EPB41L4A: variants seen among roughly 807,000 people sequenced by gnomAD.
EPB41L4A encodes erythrocyte membrane protein band 4.1 like 4A, also known as band 4.1-like protein 4A.
EPB41L4A carries 100 observed loss-of-function variants against 108.6 expected under a neutral mutation model. That is an observed-to-expected ratio of 0.92 (90% confidence interval 0.78 to 1.09). The LOEUF (loss-of-function observed/expected upper bound fraction) is 1.09, where lower values mean the gene tolerates loss of function less well. EPB41L4A is among the 50% of genes least tolerant of loss of function. The pLI, the probability that EPB41L4A is intolerant of heterozygous loss-of-function variation, is 0.00. For missense variants in EPB41L4A, 1,030 were observed against 842.7 expected, an observed-to-expected ratio of 1.22 and a Z score of -2.75; for synonymous variants, 319 against 289.0, an observed-to-expected ratio of 1.10 and a Z score of -1.05.
chr5:112,300,509 GA>G (rs1157525537), intron 2 of EPB41L4A, among the ~76,000 whole-genome samples: 1 of 152,186 alleles, frequency 6.6e-6, no homozygotes, highest in Non-Finnish European at 1.5e-5. Context: ...TTTCTGCTGA[GA>G]AATCTGCTGT....
chr5:112,283,193 T>C (rs1753072599), intron 2 of EPB41L4A, among the ~76,000 whole-genome samples: 1 of 152,222 alleles, frequency 6.6e-6, no homozygotes, highest in Non-Finnish European at 1.5e-5. Context: ...AGTCAAAGGC[T>C]ATTCAATCAA....
At chr5:112,265,539 C>T (rs1271576679) in intron 5 of EPB41L4A, among the ~76,000 whole-genome samples, 1 of 152,228 alleles carries the variant, frequency 6.6e-6, no homozygotes, top group South Asian at 2.1e-4. Context: ...TATACAAATG[C>T]TTCTTCCTAT....
intron 12 of EPB41L4A, among the ~76,000 whole-genome samples, chr5:112,215,748 G>A (rs1432630967): frequency 4.9e-5 from 6 of 123,058 alleles, no homozygotes; most frequent in African/African-American, 1.8e-4. Context: ...GGGCGACAGA[G>A]TGAGACTCCA....
chr5:112,363,628 T>C (rs1758926148), intron 1 of EPB41L4A: 2 of 152,380 alleles, frequency 1.3e-5, no homozygotes, highest in African/African-American at 4.8e-5. Context: ...CCACCATCAA[T>C]GTGAGATCCT....
intron 12 of EPB41L4A, among the ~76,000 whole-genome samples, 183 bp downstream of exon 12, chr5:112,234,451 T>C (rs1749184865): frequency 6.6e-6 from 1 of 152,086 alleles, no homozygotes; most frequent in Non-Finnish European, 1.5e-5. Flanking sequence ...TATGTCTTCT[T>C]AAAATTACTG....
At chr5:112,365,507 G>C (rs1160361241) in intron 1 of EPB41L4A, among the ~76,000 whole-genome samples, 5 of 152,102 alleles carry the variant, frequency 3.3e-5, no homozygotes. Context: ...TTTTAGAATA[G>C]TTTTAGACTT....
intron 1 of EPB41L4A, among the ~76,000 whole-genome samples, chr5:112,397,193 G>T (rs1348041120): frequency 6.6e-6 from 1 of 152,048 alleles, no homozygotes; most frequent in East Asian, 1.9e-4. Context: ...GAAGTATTTG[G>T]TTTTCTGTTT....
chr5:112,416,685 T>C, intron 1 of EPB41L4A, among the ~76,000 whole-genome samples: 1 of 152,284 alleles, frequency 6.6e-6, no homozygotes, highest in South Asian at 2.1e-4. Context: ...CAAACTAAAG[T>C]AGGAGTTAAT....
chr5:112,166,506 A>G lies in EPB41L4A; in HGVS notation c.1933-1388T>C, dbSNP rs558431010. ...TCCCTACATTCCTCACTCTGATTAC[A>G]TCAGCCTTGCAGCCACTCACATGGC... On this transcript the variant is annotated intron_variant, in intron 22 of 22. Transcript: ENST00000261486. 2.0e-5 allele frequency among the ~76,000 whole-genome samples: 3 copies of G among 152,228 alleles called. No individual in the cohort carries two copies. In the East Asian group the frequency reaches 5.8e-4, roughly 29 times the overall value.
chr5:112,356,669 T>A (rs1758378503), intron 1 of EPB41L4A, among the ~76,000 whole-genome samples: 1 of 152,194 alleles, frequency 6.6e-6, no homozygotes, highest in African/African-American at 2.4e-5. Flanking sequence ...TTAATCACCT[T>A]AACATCCTAC....
chr5:112,340,884 T>C (rs1043112538), intron 1 of EPB41L4A, among the ~76,000 whole-genome samples: 2 of 152,190 alleles, frequency 1.3e-5, no homozygotes, highest in African/African-American at 2.4e-5. Flanking sequence ...AAGTATCCAT[T>C]TACATATACC....
In EPB41L4A at chr5:112,307,482, C is replaced by T. The variant is rs750688199; in HGVS notation, c.108G>A (p.Thr36=). The T allele has an allele frequency of 5.6e-6, 9 of 1,611,268 alleles. No homozygotes were observed. The East Asian group carries it at 1.3e-4, about 24-fold the overall frequency. Residue 36 remains threonine (T), a synonymous_variant, in exon 2 of 23, where the codon ACG becomes ACA. Transcript: ENST00000261486. ...TTQQQGIKKS[T]KGSVVLDHVF... ...CGTGGTCAAGGACAACGGAACCTTT[C>T]GTTGACTTCTGCAAAAATAATTCAG... is the stretch of plus-strand genomic sequence containing the variant.
chr5:112,417,882 A>G (rs1369508868), intron 1 of EPB41L4A, among the ~76,000 whole-genome samples: 1 of 152,264 alleles, frequency 6.6e-6, no homozygotes, highest in East Asian at 1.9e-4. Flanking sequence ...ACTTTTAGCC[A>G]GGAATAGTTA....
intron 1 of EPB41L4A, among the ~76,000 whole-genome samples, chr5:112,337,363 T>C (rs948191174): frequency 1.3e-5 from 2 of 152,214 alleles, no homozygotes; most frequent in African/African-American, 4.8e-5. Context: ...AAACGTTTGC[T>C]GGGTATCTAC....
At chr5:112,344,085 A>G (rs953195966) in intron 1 of EPB41L4A, among the ~76,000 whole-genome samples, 1 of 152,178 alleles carries the variant, frequency 6.6e-6, no homozygotes, top group Admixed American at 6.5e-5. Flanking sequence ...AATTGATTTG[A>G]TATTTGATAA....
chr5:112,280,411 C>G, intron 2 of EPB41L4A, 88 bp from the exon 3 acceptor site: 1 of 1,238,294 alleles, frequency 8.1e-7, no homozygotes. Context: ...GTTATTTAAA[C>G]AACATTTTAA....
chr5:112,335,160 G>A (rs1235303330), intron 1 of EPB41L4A, among the ~76,000 whole-genome samples: 1 of 152,130 alleles, frequency 6.6e-6, no homozygotes, highest in Non-Finnish European at 1.5e-5. Context: ...CCAGGGCTTG[G>A]CACAGAGTAC....
intron 1 of EPB41L4A, among the ~76,000 whole-genome samples, chr5:112,354,891 A>G (rs1052812564): frequency 6.6e-6 from 1 of 152,204 alleles, no homozygotes; most frequent in Middle Eastern, 3.2e-3. Context: ...AGTCTCAGAG[A>G]GCATTAATAG....
At chr5:112,312,059 G>A (rs559256781) in intron 1 of EPB41L4A, among the ~76,000 whole-genome samples, 21 of 152,270 alleles carry the variant, frequency 1.4e-4, no homozygotes, top group Non-Finnish European at 2.5e-4. Flanking sequence ...CTGTCTTTAT[G>A]CAAACTATAT....
Sources: allele counts gnomAD v4.1 joint callset (sites outside exome capture counted in the v4.1 genomes callset), GRCh38; gene constraint gnomAD v4.1.1; transcripts MANE v1.5; gene names NCBI Gene and HGNC (gene_info 2026-07-23, HGNC 2026-07-21).